The following MSR1 variants were observed in gnomAD, a reference collection of about 807,000 sequenced individuals.
MSR1 encodes macrophage scavenger receptor types I and II.
Under a neutral mutation model 47.2 loss-of-function variants are expected in MSR1, and 53 were observed. The ratio of observed to expected loss-of-function variants is 1.12; its 90% CI spans 0.90 to 1.41. The LOEUF (loss-of-function observed/expected upper bound fraction) is 1.41. MSR1 is among the 40% of genes most tolerant of loss of function. The pLI is 0.00. For synonymous variants in MSR1, 239 were observed against 185.6 expected (o/e 1.29, Z -2.34); for missense variants, 786 against 546.9 (o/e 1.44, Z -4.36).
intron 8 of MSR1, among the ~76,000 whole-genome samples, chr8:16,122,755 T>C (rs552221539): frequency 1.3e-5 from 2 of 152,140 alleles, no homozygotes; most frequent in South Asian, 2.1e-4. Context: ...ATCTCATTTA[T>C]TGCAAAGGGA....
At chr8:16,110,290 T>A in intron 9 of MSR1, 72 bp from the exon 10 acceptor site, 7 of 1,536,078 alleles carry the variant, frequency 4.6e-6, no homozygotes, top group Non-Finnish European at 6.3e-6. Context: ...GGCAAAGCCA[T>A]TAATTCCTTC....
intron 8 of MSR1, among the ~76,000 whole-genome samples, chr8:16,130,136 C>A (rs1800222378): frequency 6.6e-6 from 1 of 152,174 alleles, no homozygotes; most frequent in African/African-American, 2.4e-5. Context: ...AGGGACTAAG[C>A]AGGACAAGTG....
chr8:16,170,283 G>A (rs375549834), intron 3 of MSR1, among the ~76,000 whole-genome samples: 1 of 151,858 alleles, frequency 6.6e-6, no homozygotes, highest in East Asian at 1.9e-4. Context: ...GGGAGGCAGA[G>A]GTTGCAGTGA....
intron 8 of MSR1, among the ~76,000 whole-genome samples, chr8:16,130,070 T>G (rs773233479): frequency 6.6e-6 from 1 of 152,164 alleles, no homozygotes; most frequent in Non-Finnish European, 1.5e-5. Context: ...ATGGGGCTGA[T>G]GTTTTTCCTT....
intron 8 of MSR1, 98 bp downstream of exon 8, chr8:16,143,460 G>A (rs1800614905): frequency 1.3e-5 from 13 of 1,006,350 alleles, no homozygotes; most frequent in Middle Eastern, 2.1e-4. Context: ...ATGGATCTGT[G>A]CTGAAGTTGC....
At position 16,141,823 on chromosome 8, in the gene MSR1, T is replaced by TA. The variant is rs113186326; in HGVS notation, c.1033+1734dup. Among the ~76,000 whole-genome samples, 928 of 147,182 alleles carry TA rather than the reference T, an allele frequency of 6.3e-3. 12 individuals carry two copies. The highest frequency in any genetic ancestry group is 0.021 in the African/African-American group (829 of 40,232). On this transcript the variant is annotated intron_variant, in intron 8 of 9. Transcript: ENST00000262101. ...TGGGGTGCTGTTTGCAGTGTAAAAA[T>TA]AAAAAAAAAATAGTTTCTTATTTGC...
chr8:16,155,032 A>G (rs758488304), intron 6 of MSR1, 32 bp downstream of exon 6: 3 of 1,529,652 alleles, frequency 2.0e-6, no homozygotes, highest in Non-Finnish European at 2.7e-6. Context: ...CTATCTTCAC[A>G]GTATATGATT....
At position 16,109,755 on chromosome 8, in the gene MSR1, T is replaced by A. The variant is rs1175156928; in HGVS notation, c.*330A>T. 1 of 289,918 alleles carries A rather than the reference T, an allele frequency of 3.4e-6. No individual in the cohort carries two copies. The highest frequency in any genetic ancestry group is 2.2e-5 in the African/African-American group (1 of 45,708). 18.0% of individuals were successfully genotyped at this position (289,918 alleles called of 1,614,324 possible). A position where few individuals can be genotyped will look rare whatever the true frequency, so the allele number is the denominator to read the frequency against. On this transcript the variant is annotated 3_prime_UTR_variant, in exon 10 of 10. Coordinates refer to ENST00000262101, the MANE Select transcript of MSR1 (RefSeq NM_138715.3). ...AAAAATTGTAATCTCCTGGTGAACA[T>A]ATTATGAATTGGAGCCAATTACTGG...
At chr8:16,130,448 A>G (rs555093597) in intron 8 of MSR1, among the ~76,000 whole-genome samples, 1 of 152,280 alleles carries the variant, frequency 6.6e-6, no homozygotes, top group South Asian at 2.1e-4. Context: ...ATCTTTAAGT[A>G]TATTAACATG....
chr8:16,181,074 A>T (rs1308072691), intron 1 of MSR1, among the ~76,000 whole-genome samples: 1 of 152,218 alleles, frequency 6.6e-6, no homozygotes, highest in East Asian at 1.9e-4. Flanking sequence ...TTAGATTTAA[A>T]GAGCAGTTTT....
chr8:16,188,328 C>A (rs1019246376), intron 1 of MSR1, among the ~76,000 whole-genome samples: 2 of 151,844 alleles, frequency 1.3e-5, no homozygotes, highest in African/African-American at 4.8e-5. Context: ...CATCTCATCA[C>A]CCTAATAAAG....
chr8:16,167,526 C>T (rs1447918287), intron 4 of MSR1, among the ~76,000 whole-genome samples: 1 of 152,092 alleles, frequency 6.6e-6, no homozygotes, highest in Non-Finnish European at 1.5e-5. Context: ...GCCTGGGCAA[C>T]AGAGTGAGAC....
At chr8:16,117,479 T>G (rs1247548712) in intron 9 of MSR1, among the ~76,000 whole-genome samples, 3 of 152,156 alleles carry the variant, frequency 2.0e-5, no homozygotes, top group Non-Finnish European at 2.9e-5. Flanking sequence ...AAGCTGCATC[T>G]GATGGCAGGC....
intron 1 of MSR1, among the ~76,000 whole-genome samples, 167 bp downstream of exon 1, chr8:16,192,431 A>T (rs537402801): frequency 1.3e-5 from 2 of 148,296 alleles, no homozygotes; most frequent in South Asian, 4.2e-4. Context: ...AAAAAAACCA[A>T]ACCAAATTAT....
chr8:16,172,927 A>T (rs1475259961), intron 3 of MSR1, among the ~76,000 whole-genome samples: 1 of 152,056 alleles, frequency 6.6e-6, no homozygotes, highest in African/African-American at 2.4e-5. Flanking sequence ...TACATTTGTA[A>T]TTTTTTATGC....
intron 9 of MSR1, among the ~76,000 whole-genome samples, chr8:16,119,512 C>T (rs1799948516): frequency 1.3e-5 from 2 of 152,040 alleles, no homozygotes; most frequent in Admixed American, 1.3e-4. Context: ...CAGGTGTGAG[C>T]CACCATGCCC....
intron 1 of MSR1, chr8:16,186,014 G>T (rs1285817287): frequency 4.4e-6 from 3 of 686,478 alleles, no homozygotes; most frequent in East Asian, 5.6e-5. Context: ...TTCGTGGCCT[G>T]CAAGAAATCC....
At chr8:16,192,369 A>C (rs1206459507) in intron 1 of MSR1, among the ~76,000 whole-genome samples, 1 of 152,158 alleles carries the variant, frequency 6.6e-6, no homozygotes, top group Non-Finnish European at 1.5e-5. Flanking sequence ...GTGAACATAT[A>C]TGTTTTTCAC....
chr8:16,151,935 G>A (rs1800872246), intron 6 of MSR1, among the ~76,000 whole-genome samples: 1 of 152,094 alleles, frequency 6.6e-6, no homozygotes, highest in Non-Finnish European at 1.5e-5. Context: ...ACTTTACTGT[G>A]CATTGCACCT....
Sources: gnomAD v4.1 joint callset for allele counts (sites outside exome capture counted in the v4.1 genomes callset) on GRCh38, gnomAD v4.1.1 for gene constraint, MANE v1.5 for transcripts, NCBI Gene and HGNC (gene_info 2026-07-23, HGNC 2026-07-21) for gene names.